TMEM132C: variants seen among roughly 807,000 people sequenced by gnomAD.
TMEM132C encodes transmembrane protein 132C.
Under a neutral mutation model 61.4 loss-of-function variants are expected in TMEM132C, and 29 were observed. The observed-to-expected ratio is 0.47, with a 90% CI of 0.35 to 0.64. The LOEUF (loss-of-function observed/expected upper bound fraction) is 0.64. Ranked by LOEUF, TMEM132C falls within the 30% of genes least tolerant of loss-of-function variation. The pLI, the probability that TMEM132C is intolerant of heterozygous loss-of-function variation, is 0.00. For synonymous variants in TMEM132C, 656 were observed against 633.1 expected, an observed-to-expected ratio of 1.04 and a Z score of -0.54; for missense variants, 1,408 against 1,476.9, an observed-to-expected ratio of 0.95 and a Z score of 0.76.
intron 1 of TMEM132C, among the ~76,000 whole-genome samples, chr12:128,374,909 C>T (rs1287835540): frequency 4.1e-5 from 4 of 96,596 alleles, no homozygotes; most frequent in South Asian, 5.1e-4. Context: ...CGACAAACTC[C>T]GTCTGTCTCA....
chr12:128,581,598 G>T (rs1206369913), intron 3 of TMEM132C, among the ~76,000 whole-genome samples: 2 of 152,146 alleles, frequency 1.3e-5, no homozygotes, highest in Non-Finnish European at 2.9e-5. Flanking sequence ...CCATGATAAT[G>T]ACCAACCAGG....
In TMEM132C at chr12:128,326,229, T is replaced by C. The variant is rs919835320; in HGVS notation, c.85+58742T>C. ...AAAGAGGCAGTAAGACAAAAATCTG[T>C]CTTGGTTTGAGCACCTCCATTCCTC... On this transcript the variant is annotated intron_variant, in intron 1 of 8. Coordinates refer to ENST00000435159, the MANE Select transcript of TMEM132C (RefSeq NM_001136103.3). This position sits in a 1 kb window ranked among gnomAD's most constrained non-coding sequence, Gnocchi z 5.6. Among the ~76,000 whole-genome samples, 1 of 152,126 alleles carries C rather than the reference T, an allele frequency of 6.6e-6. No individual in the cohort carries two copies. Among genetic ancestry groups the C allele is most frequent in the Non-Finnish European group, 1.5e-5 (1 of 68,014 alleles).
chr12:128,337,088 C>T (rs1026422936), intron 1 of TMEM132C, among the ~76,000 whole-genome samples: 9 of 152,012 alleles, frequency 5.9e-5, no homozygotes, highest in Non-Finnish European at 1.3e-4. Flanking sequence ...AGAAATAAGC[C>T]ACAGAGAAAT....
Position 128,326,669 on chromosome 12 carries a change from C to G in TMEM132C, c.85+59182C>G, listed in dbSNP as rs549511173. 5.1e-4 allele frequency among the ~76,000 whole-genome samples: 78 copies of G among 152,284 alleles called. No homozygotes were observed. Among genetic ancestry groups the G allele is most frequent in the Non-Finnish European group, 8.7e-4 (59 of 68,014 alleles). On this transcript the variant is annotated intron_variant, in intron 1 of 8. Coordinates refer to ENST00000435159, the MANE Select transcript of TMEM132C (RefSeq NM_001136103.3). The surrounding 1 kb of genome is among the most constrained non-coding windows in gnomAD (Gnocchi z 5.6). Reference sequence around the variant, plus strand: ...ACTGTCACTCTCGAGGAAGGGAACACTGAAGCAGGATCTCTATTAGCCTTT... The same window carrying G: ...ACTGTCACTCTCGAGGAAGGGAACAGTGAAGCAGGATCTCTATTAGCCTTT...
chr12:128,519,152 C>G (rs1161237177), intron 2 of TMEM132C, among the ~76,000 whole-genome samples: 3 of 152,192 alleles, frequency 2.0e-5, no homozygotes, highest in South Asian at 2.1e-4. Flanking sequence ...TTCCCCTCAT[C>G]AGTACATCCT....
intron 1 of TMEM132C, among the ~76,000 whole-genome samples, chr12:128,313,646 C>T (rs558656801): frequency 2.0e-5 from 3 of 152,234 alleles, no homozygotes; most frequent in African/African-American, 4.8e-5. Flanking sequence ...TTAGCTTAGA[C>T]CAATTAGGAT....
Position 128,705,550 on chromosome 12 carries a change from G to C in TMEM132C, c.2582G>C (p.Arg861Thr). The C allele has an allele frequency of 6.4e-7, 1 of 1,551,108 alleles. No homozygotes were observed. The highest frequency in any genetic ancestry group is 8.7e-7 in the Non-Finnish European group (1 of 1,146,992). The part of the protein sequence containing the change: ...GALRRATTTA[R>T]SLLDNKVVKN... ...CTCCGAAGAGCCACTACCACGGCCA[G>C]GTCCCTGCTGGACAACAAAGTGGTG... Residue 861 changes from arginine to threonine, a missense_variant, in exon 9 of 9, where the codon AGG (arginine) becomes ACG (threonine). Transcript: ENST00000435159.
chr12:128,559,580 C>A (rs967645281), intron 3 of TMEM132C, among the ~76,000 whole-genome samples: 4 of 152,202 alleles, frequency 2.6e-5, no homozygotes, highest in Non-Finnish European at 5.9e-5. Context: ...TTTACCCACA[C>A]GTTCCTCATA....
At chr12:128,339,782 T>C (rs1872898720) in intron 1 of TMEM132C, among the ~76,000 whole-genome samples, 1 of 151,902 alleles carries the variant, frequency 6.6e-6, no homozygotes, top group African/African-American at 2.4e-5. Flanking sequence ...AGAGGAAAGA[T>C]GTAAAGTCTT....
chr12:128,405,026 C>A (rs1212623738), intron 1 of TMEM132C, among the ~76,000 whole-genome samples: 4 of 142,074 alleles, frequency 2.8e-5, no homozygotes. Context: ...CACCTGCTCT[C>A]CAGGCTGTCT....
chr12:128,413,198 C>T (rs543557885), intron 1 of TMEM132C, among the ~76,000 whole-genome samples: 2 of 144,542 alleles, frequency 1.4e-5, no homozygotes, highest in African/African-American at 5.0e-5. Flanking sequence ...ACTCGGGAGG[C>T]CGAGGCAGGA....
chr12:128,548,671 A>G (rs1874048638), intron 3 of TMEM132C, among the ~76,000 whole-genome samples: 1 of 152,176 alleles, frequency 6.6e-6, no homozygotes, highest in African/African-American at 2.4e-5. Context: ...CCACATAAAA[A>G]AACCACCCAA....
intron 2 of TMEM132C, among the ~76,000 whole-genome samples, chr12:128,519,992 C>G (rs1321533029): frequency 6.6e-6 from 1 of 152,270 alleles, no homozygotes; most frequent in Non-Finnish European, 1.5e-5. Flanking sequence ...TCCTCAGACT[C>G]TGTTTATGAT....
chr12:128,593,380 CAG>C lies in TMEM132C; in HGVS notation c.1122-22770_1122-22769del, dbSNP rs559957567. Among the ~76,000 whole-genome samples, 120 of 152,234 alleles carry C rather than the reference CAG, an allele frequency of 7.9e-4. 1 individual carries two copies. The highest frequency in any genetic ancestry group is 2.7e-3 in the African/African-American group (112 of 41,542). ...TCTCTCCTCAAATTAAAGTAAGAAA[CAG>C]ATCTCTCCCTCAGTGGAGCTGGAGC... On this transcript the variant is annotated intron_variant, in intron 3 of 8. Coordinates refer to ENST00000435159, the MANE Select transcript of TMEM132C (RefSeq NM_001136103.3).
At chr12:128,699,191 G>A (rs535031171) in intron 8 of TMEM132C, among the ~76,000 whole-genome samples, 1 of 152,214 alleles carries the variant, frequency 6.6e-6, no homozygotes, top group Admixed American at 6.5e-5. Context: ...CTAGAGTGAT[G>A]ATGCTCAGTG....
intron 4 of TMEM132C, among the ~76,000 whole-genome samples, chr12:128,622,241 G>A (rs964477868): frequency 2.0e-5 from 3 of 149,952 alleles, no homozygotes; most frequent in African/African-American, 4.9e-5. Context: ...CTACTCGGGA[G>A]GCTGAGGCAG....
At chr12:128,449,015 T>C (rs1469849045) in intron 2 of TMEM132C, among the ~76,000 whole-genome samples, 1 of 151,314 alleles carries the variant, frequency 6.6e-6, no homozygotes, top group Non-Finnish European at 1.5e-5. Flanking sequence ...CGGGCACCTG[T>C]AGTCCCAGCT....
At chr12:128,424,468 G>C (rs1054921190) in intron 2 of TMEM132C, among the ~76,000 whole-genome samples, 70 of 139,088 alleles carry the variant, frequency 5.0e-4, no homozygotes, top group African/African-American at 1.8e-3. Context: ...AAAAAAAAAA[G>C]CCAGGCACAA....
Position 128,630,989 on chromosome 12 carries a change from G to A in TMEM132C, c.1305+14654G>A, listed in dbSNP as rs1220882794. 6.6e-6 allele frequency among the ~76,000 whole-genome samples: 1 copy of A among 152,246 alleles called. No individual in the cohort carries two copies. Among genetic ancestry groups the A allele is most frequent in the East Asian group, 1.9e-4 (1 of 5,186 alleles). On this transcript the variant is annotated intron_variant, in intron 4 of 8. Coordinates refer to ENST00000435159, the MANE Select transcript of TMEM132C (RefSeq NM_001136103.3). This position sits in a 1 kb window ranked among gnomAD's most constrained non-coding sequence, Gnocchi z 4.3. Reference sequence around the variant, plus strand: ...GGAGGCTGCAATGAGCCGAGATCACGCCACTGCATTCCAGCCTGGGCAACA... The same window carrying A: ...GGAGGCTGCAATGAGCCGAGATCACACCACTGCATTCCAGCCTGGGCAACA...
Sources: allele counts gnomAD v4.1 joint callset (sites outside exome capture counted in the v4.1 genomes callset), GRCh38; gene constraint gnomAD v4.1.1; non-coding constraint Gnocchi (gnomAD v3.1); transcripts MANE v1.5; gene names NCBI Gene and HGNC (gene_info 2026-07-23, HGNC 2026-07-21).